SMIM40: variants seen among roughly 807,000 people sequenced by gnomAD.
SMIM40 encodes the protein small integral membrane protein 40.
intron 1 of SMIM40, among the ~76,000 whole-genome samples, chr6:33,327,369 C>A (rs34931294): frequency 0.071 from 10,565 of 149,502 alleles, 1,721 homozygotes; most frequent in African/African-American, 0.22. Context: ...TTTCAGTGAG[C>A]CAAGATGGTG....
At chr6:33,324,191 T>C (rs1372506712) in intron 1 of SMIM40, among the ~76,000 whole-genome samples, 161 bp from the exon 2 acceptor site, 2 of 152,098 alleles carry the variant, frequency 1.3e-5, no homozygotes, top group Non-Finnish European at 2.9e-5. Flanking sequence ...CAATCCCACA[T>C]CACTTCTCTC....
At chr6:33,325,448 A>G (rs1771110382) in intron 1 of SMIM40, among the ~76,000 whole-genome samples, 1 of 149,102 alleles carries the variant, frequency 6.7e-6, no homozygotes, top group African/African-American at 2.6e-5. Flanking sequence ...GCCTCAAGCA[A>G]TCTTCCCACC....
At chr6:33,327,223 C>G (rs558384295) in intron 1 of SMIM40, among the ~76,000 whole-genome samples, 1 of 148,536 alleles carries the variant, frequency 6.7e-6, no homozygotes, top group Non-Finnish European at 1.5e-5. Flanking sequence ...GAGTTCGAGA[C>G]CAGCCTGGCC....
chr6:33,324,575 T>A (rs763187024), intron 1 of SMIM40, among the ~76,000 whole-genome samples: 119 of 142,974 alleles, frequency 8.3e-4, no homozygotes, highest in Non-Finnish European at 1.5e-3. Context: ...TCCTTTCTTT[T>A]GTCTTTTTTT....
chr6:33,326,308 A>G (rs1251893076), intron 1 of SMIM40, among the ~76,000 whole-genome samples: 2 of 147,148 alleles, frequency 1.4e-5, no homozygotes. Context: ...TTACAGGCAC[A>G]CAACACCATG....
chr6:33,328,278 C>T (rs959919334), intron 1 of SMIM40, among the ~76,000 whole-genome samples: 6 of 150,818 alleles, frequency 4.0e-5, no homozygotes, highest in South Asian at 2.1e-4. Context: ...AACTGCCTCC[C>T]GGGTTCAAGC....
Position 33,329,253 on chromosome 6 carries a change from C to G in SMIM40, c.13G>C (p.Gly5Arg), listed in dbSNP as rs879361844. ...AACACATCCGCCTCGTCCACATCAC[C>G]TTCCTCTGCCATCCTGACTCACAGT... is the stretch of plus-strand genomic sequence containing the variant. Reference protein sequence around the residue: MAEEGDVDEADVFLA... With the variant: MAEERDVDEADVFLA... The change falls in exon 1 of 3, where the codon GGT becomes CGT. Residue 5 changes from glycine (G) to arginine (R), a missense_variant. Gly to Arg is a moderately radical substitution (Grantham distance 125, BLOSUM62 -2). Coordinates refer to ENST00000494082, the MANE Select transcript of SMIM40 (RefSeq NM_001369203.1). 7.5e-6 allele frequency: 3 copies of G among 398,624 alleles called. No homozygotes were observed. The highest frequency in any genetic ancestry group is 8.8e-5 in the Admixed American group (2 of 22,700). The allele number at this position is 398,624 out of a possible 1,614,324, so 24.7% of individuals were successfully genotyped here. A position where few individuals can be genotyped will look rare whatever the true frequency, so the allele number is the denominator to read the frequency against.
Position 33,329,155 on chromosome 6 carries a change from G to A in SMIM40, c.111C>T (p.Ile37=), listed in dbSNP as rs1379908573. 8 of 398,802 alleles carry A rather than the reference G, an allele frequency of 2.0e-5. No individual in the cohort carries two copies. The South Asian group carries it at 7.6e-4, about 38-fold the overall frequency. 24.7% of individuals were successfully genotyped at this position (398,802 alleles called of 1,614,324 possible). A position where few individuals can be genotyped will look rare whatever the true frequency, so the allele number is the denominator to read the frequency against. ...GCAGTGTCAGGAAGAGGGCCAGGAAGATAAAGAAAGCCTTGTCCAAGGCAC... is the reference window on the plus strand; with the variant it reads ...GCAGTGTCAGGAAGAGGGCCAGGAAAATAAAGAAAGCCTTGTCCAAGGCAC... ...VRRALDKAFF[I]FLALFLTLLM... Residue 37 remains isoleucine, a synonymous_variant, in exon 1 of 3, where the codon ATC becomes ATT. Coordinates refer to ENST00000494082, the MANE Select transcript of SMIM40 (RefSeq NM_001369203.1).
chr6:33,326,991 G>A (rs1364207539), intron 1 of SMIM40, among the ~76,000 whole-genome samples: 1 of 148,426 alleles, frequency 6.7e-6, no homozygotes, highest in Non-Finnish European at 1.5e-5. Flanking sequence ...GGGTGTAGTG[G>A]CGGGCGCCTG....
At chr6:33,325,009 C>G (rs1022099769) in intron 1 of SMIM40, among the ~76,000 whole-genome samples, 1 of 151,826 alleles carries the variant, frequency 6.6e-6, no homozygotes, top group Non-Finnish European at 1.5e-5. Context: ...AAGCCATCCT[C>G]CCACCTCAAG....
chr6:33,324,541 T>TTTTC (rs1156477471), intron 1 of SMIM40, among the ~76,000 whole-genome samples: 1 of 124,576 alleles, frequency 8.0e-6, no homozygotes, highest in African/African-American at 3.8e-5. Context: ...GAATACCACC[T>TTTTC]TTTCTTTTTT....
intron 1 of SMIM40, among the ~76,000 whole-genome samples, chr6:33,326,541 G>T (rs1009144022): frequency 2.7e-5 from 4 of 149,114 alleles, no homozygotes; most frequent in East Asian, 3.9e-4. Flanking sequence ...TTTAAAATGT[G>T]GGGCCAGGCA....
At chr6:33,325,529 CT>C (rs1459237586) in intron 1 of SMIM40, among the ~76,000 whole-genome samples, 1 of 148,298 alleles carries the variant, frequency 6.7e-6, no homozygotes, top group Non-Finnish European at 1.5e-5. Context: ...TTAAATATTT[CT>C]TTTTAACAGT....
At chr6:33,324,374 TAG>T (rs1271810026) in intron 1 of SMIM40, among the ~76,000 whole-genome samples, 1 of 146,062 alleles carries the variant, frequency 6.8e-6, no homozygotes, top group Non-Finnish European at 1.5e-5. Context: ...CCTTTTACAA[TAG>T]AGTCACCCTC....
rs1355441594 is a variant in SMIM40 at position 33,323,629 on chromosome 6, A to G, written c.*335T>C. 2 of 152,346 alleles carry G rather than the reference A, an allele frequency of 1.3e-5. No individual in the cohort carries two copies. Among genetic ancestry groups the G allele is most frequent in the Non-Finnish European group, 2.9e-5 (2 of 68,062 alleles). 9.4% of individuals were successfully genotyped at this position (152,346 alleles called of 1,614,324 possible). A position where few individuals can be genotyped will look rare whatever the true frequency, so the allele number is the denominator to read the frequency against. Reference sequence around the variant, plus strand: ...CGTACAAATGAGCACAACGCGCCATAAAAGTGTTATTGTTATTACTATTGT... The same window carrying G: ...CGTACAAATGAGCACAACGCGCCATGAAAGTGTTATTGTTATTACTATTGT... On this transcript the variant is annotated 3_prime_UTR_variant, in exon 3 of 3. Transcript: ENST00000494082.
chr6:33,325,176 G>A (rs1292137207), intron 1 of SMIM40, among the ~76,000 whole-genome samples: 1 of 145,352 alleles, frequency 6.9e-6, no homozygotes, highest in Non-Finnish European at 1.5e-5. Context: ...AGACCAGCCT[G>A]GCCAACATGG....
chr6:33,323,883 CT>C lies in SMIM40; in HGVS notation c.*100-20del, dbSNP rs748376208. On this transcript the variant is annotated intron_variant, in intron 2 of 2. Coordinates refer to ENST00000494082, the MANE Select transcript of SMIM40 (RefSeq NM_001369203.1). ...AGGGCTGCTGTGAGGCGAAATGAGGCTCATAAAATACTTTGGGTCTCCTCCT... is the reference window on the plus strand; with the variant it reads ...AGGGCTGCTGTGAGGCGAAATGAGGCCATAAAATACTTTGGGTCTCCTCCT... 9 of 152,222 alleles carry C rather than the reference CT, an allele frequency of 5.9e-5. No homozygotes were observed. Among genetic ancestry groups the C allele is most frequent in the Non-Finnish European group, 1.2e-4 (8 of 68,066 alleles). 9.4% of individuals were successfully genotyped at this position (152,222 alleles called of 1,614,324 possible).
intron 1 of SMIM40, among the ~76,000 whole-genome samples, chr6:33,328,027 A>G (rs1248576554): frequency 6.6e-6 from 1 of 150,590 alleles, no homozygotes; most frequent in Non-Finnish European, 1.5e-5. Flanking sequence ...CAGAGGTTGC[A>G]GTGAGCCGAG....
intron 1 of SMIM40, among the ~76,000 whole-genome samples, chr6:33,324,578 CT>C (rs530496904): frequency 2.9e-3 from 164 of 56,060 alleles, no homozygotes; most frequent in Non-Finnish European, 5.0e-3. Flanking sequence ...TTTCTTTTGT[CT>C]TTTTTTTTTT....
Sources: gnomAD v4.1 joint callset for allele counts (sites outside exome capture counted in the v4.1 genomes callset) on GRCh38, gnomAD v4.1.1 for gene constraint, MANE v1.5 for transcripts, NCBI Gene and HGNC (gene_info 2026-07-23, HGNC 2026-07-21) for gene names.